The following MAN1C1 variants were observed in gnomAD, a reference collection of about 807,000 sequenced individuals.
MAN1C1 encodes the protein mannosyl-oligosaccharide 1,2-alpha-mannosidase IC.
A neutral mutation model predicts 71.5 loss-of-function variants in MAN1C1; 49 were observed. That is an observed-to-expected ratio of 0.69 (90% CI 0.54 to 0.87). The LOEUF is 0.87. Among genes scored for constraint, MAN1C1 ranks in the 40% least tolerant of loss-of-function variants. The pLI is 0.00. For synonymous variants in MAN1C1, 352 were observed against 343.7 expected, an observed-to-expected ratio of 1.02 and a Z score of -0.27; for missense variants, 743 against 835.0, an observed-to-expected ratio of 0.89 and a Z score of 1.36.
intron 1 of MAN1C1, among the ~76,000 whole-genome samples, chr1:25,652,450 C>A (rs1277699558): frequency 6.6e-6 from 1 of 152,244 alleles, no homozygotes; most frequent in Non-Finnish European, 1.5e-5. Context: ...CAGCTGGCAC[C>A]AGCCCTTCCC....
intron 2 of MAN1C1, among the ~76,000 whole-genome samples, chr1:25,692,294 G>A (rs1347856502): frequency 3.3e-5 from 5 of 152,228 alleles, no homozygotes; most frequent in Non-Finnish European, 7.3e-5. Context: ...GGGGGAAACT[G>A]TCTCTTAGGA....
rs2045997201 is a variant in MAN1C1, at chr1:25,671,871, G to A, written c.541-14569G>A. Among the ~76,000 whole-genome samples, 4 of 152,188 alleles carry A rather than the reference G, an allele frequency of 2.6e-5. No homozygotes were observed. In the South Asian group the frequency reaches 8.3e-4, roughly 32 times the overall value. On this transcript the variant is annotated intron_variant, in intron 1 of 11. Coordinates refer to ENST00000374332, the MANE Select transcript of MAN1C1 (RefSeq NM_020379.4). Reference sequence around the variant, plus strand: ...GCATTCCTTTCTGGAGGTTCTAGGGGAGTGCATTAATTAGGATTCTCCAGA... The same window carrying A: ...GCATTCCTTTCTGGAGGTTCTAGGGAAGTGCATTAATTAGGATTCTCCAGA...
Position 25,735,017 on chromosome 1 carries a change from C to T in MAN1C1, c.638-11651C>T, listed in dbSNP as rs2046962026. ...ACATTGTGTGTTAGAAGAGGGCATG[C>T]CAGGTAGAGAAAACAGCTTGAAGAA... On this transcript the variant is annotated intron_variant, in intron 2 of 11. Coordinates refer to ENST00000374332, the MANE Select transcript of MAN1C1 (RefSeq NM_020379.4). The surrounding 1 kb of genome is among the most constrained non-coding windows in gnomAD (Gnocchi z 4.6). 1.3e-5 allele frequency among the ~76,000 whole-genome samples: 2 copies of T among 152,114 alleles called. No homozygotes were observed.
intron 2 of MAN1C1, among the ~76,000 whole-genome samples, chr1:25,719,937 C>T (rs751767110): frequency 6.6e-6 from 1 of 152,066 alleles, no homozygotes; most frequent in Non-Finnish European, 1.5e-5. Flanking sequence ...GCACCCACCA[C>T]CATACCTGGC....
At chr1:25,706,557 T>C (rs937974711) in intron 2 of MAN1C1, among the ~76,000 whole-genome samples, 8 of 151,698 alleles carry the variant, frequency 5.3e-5, no homozygotes, top group South Asian at 4.2e-4. Context: ...CTAGGGAGAG[T>C]TGGACATGCG....
intron 2 of MAN1C1, among the ~76,000 whole-genome samples, chr1:25,740,630 G>T (rs1300693928): frequency 6.6e-6 from 1 of 152,140 alleles, no homozygotes; most frequent in Admixed American, 6.5e-5. Flanking sequence ...TAGAGACGGG[G>T]TTTCACTGTG....
chr1:25,635,438 C>CTTTTTTTTTTTTTTT (rs747915977), intron 1 of MAN1C1, among the ~76,000 whole-genome samples: 12 of 131,480 alleles, frequency 9.1e-5, no homozygotes, highest in Non-Finnish European at 9.9e-5. Context: ...TTCTTTCTTT[C>CTTTTTTTTTTTTTTT]TTTTTTTTTT....
intron 1 of MAN1C1, among the ~76,000 whole-genome samples, chr1:25,637,468 A>T (rs2045478599): frequency 6.6e-6 from 1 of 152,194 alleles, no homozygotes; most frequent in African/African-American, 2.4e-5. Flanking sequence ...TTTTATGGCC[A>T]GCTATATGGT....
At chr1:25,770,212 C>T (rs1301122217) in intron 7 of MAN1C1, among the ~76,000 whole-genome samples, 1 of 152,218 alleles carries the variant, frequency 6.6e-6, no homozygotes, top group Non-Finnish European at 1.5e-5. Flanking sequence ...GAGCATAGTC[C>T]AGCCCACCCC....
At chr1:25,749,410 C>T (rs1236745659) in intron 4 of MAN1C1, 75 bp downstream of exon 4, 4 of 1,264,112 alleles carry the variant, frequency 3.2e-6, no homozygotes, top group African/African-American at 3.0e-5. Flanking sequence ...CCTTCCCCCT[C>T]ATGCCATCCA....
rs377564466 is a variant in MAN1C1, at chr1:25,753,487, T to C, written c.838T>C (p.Phe280Leu). 2.9e-5 allele frequency: 46 copies of C among 1,612,860 alleles called. No homozygotes were observed. Among genetic ancestry groups the C allele is most frequent in the Admixed American group, 1.7e-4 (10 of 59,910 alleles). The change falls in exon 5 of 12, where the codon TTC (phenylalanine) becomes CTC (leucine). Residue 280 changes from phenylalanine (F) to leucine (L), a missense_variant. Physicochemically the swap from Phe to Leu is conservative, Grantham distance 22. Coordinates refer to ENST00000374332, the MANE Select transcript of MAN1C1 (RefSeq NM_020379.4). The surrounding 1 kb of genome is among the most constrained non-coding windows in gnomAD (Gnocchi z 4.9). ...SAFYLTGEEV[F>L]RIKAIRLGEK... Reference sequence around the variant, plus strand: ...CCTTTGATCCCCTCCTTTACAGGTGTTCCGAATAAAGGCCATCAGGCTGGG... The same window carrying C: ...CCTTTGATCCCCTCCTTTACAGGTGCTCCGAATAAAGGCCATCAGGCTGGG...
chr1:25,633,959 C>T (rs2045421838), intron 1 of MAN1C1, among the ~76,000 whole-genome samples: 1 of 152,140 alleles, frequency 6.6e-6, no homozygotes, highest in Non-Finnish European at 1.5e-5. Context: ...TCTTGTAGGG[C>T]TGGTCTGGTA....
intron 1 of MAN1C1, among the ~76,000 whole-genome samples, chr1:25,682,061 G>T (rs1428841594): frequency 1.3e-5 from 2 of 152,144 alleles, no homozygotes; most frequent in Admixed American, 1.3e-4. Context: ...ATGGAGAATC[G>T]GGGGTTGTAC....
At chr1:25,763,575 G>A (rs1036834373) in intron 6 of MAN1C1, 3 of 335,416 alleles carry the variant, frequency 8.9e-6, no homozygotes, top group Middle Eastern at 3.6e-4. Context: ...TTGAGAGTTG[G>A]GTGGGATAGG....
In MAN1C1 at chr1:25,751,749, G is replaced by A. The variant is rs116442732; in HGVS notation, c.835-1735G>A. 2.0e-3 allele frequency among the ~76,000 whole-genome samples: 310 copies of A among 152,350 alleles called. 2 individuals carry two copies. The highest frequency in any genetic ancestry group is 7.3e-3 in the African/African-American group (304 of 41,586). On this transcript the variant is annotated intron_variant, in intron 4 of 11. Coordinates refer to ENST00000374332, the MANE Select transcript of MAN1C1 (RefSeq NM_020379.4). Reference sequence around the variant, plus strand: ...ATGTTATCACCGATTTGCAGATGAGGAAACTGAGACTTAGAAGCAGTAACT... The same window carrying A: ...ATGTTATCACCGATTTGCAGATGAGAAAACTGAGACTTAGAAGCAGTAACT...
intron 2 of MAN1C1, among the ~76,000 whole-genome samples, chr1:25,721,373 G>A (rs2046764507): frequency 6.6e-6 from 1 of 152,134 alleles, no homozygotes; most frequent in Non-Finnish European, 1.5e-5. Context: ...TCAATTTGAG[G>A]AATATTGCCA....
At chr1:25,755,165 T>C (rs932198551) in intron 5 of MAN1C1, among the ~76,000 whole-genome samples, 3 of 152,258 alleles carry the variant, frequency 2.0e-5, no homozygotes, top group African/African-American at 2.4e-5. Flanking sequence ...GGAAGGACCC[T>C]GAGGAGAGGC....
intron 8 of MAN1C1, among the ~76,000 whole-genome samples, chr1:25,773,419 C>T (rs913783205): frequency 6.6e-6 from 1 of 152,200 alleles, no homozygotes; most frequent in Middle Eastern, 3.2e-3. Flanking sequence ...AAACTGTAGG[C>T]TCAGTAATGA....
At chr1:25,744,790 T>G (rs2047106185) in intron 2 of MAN1C1, among the ~76,000 whole-genome samples, 1 of 152,222 alleles carries the variant, frequency 6.6e-6, no homozygotes, top group African/African-American at 2.4e-5. Context: ...GATTAGAGGC[T>G]AACTCTGAAT....
Sources: allele counts gnomAD v4.1 joint callset (sites outside exome capture counted in the v4.1 genomes callset), GRCh38; gene constraint gnomAD v4.1.1; non-coding constraint Gnocchi (gnomAD v3.1); transcripts MANE v1.5; gene names NCBI Gene and HGNC (gene_info 2026-07-23, HGNC 2026-07-21).